PLA1A: variants seen among roughly 807,000 people sequenced by gnomAD.
The protein encoded by PLA1A is phospholipase A1 member A.
Under a neutral mutation model 49.4 loss-of-function variants are expected in PLA1A, and 47 were observed. The observed-to-expected ratio is 0.95, with a 90% CI of 0.75 to 1.21. The LOEUF is 1.21. Among genes scored for constraint, PLA1A ranks in the 50% most tolerant of loss-of-function variants. PLA1A has a pLI of 0.00. For missense variants in PLA1A, 561 were observed against 563.9 expected (o/e 0.99, Z 0.05); for synonymous variants, 224 against 207.9 (o/e 1.08, Z -0.67).
intron 10 of PLA1A, 48 bp from the exon 11 acceptor site, chr3:119,629,336 C>A: frequency 9.5e-7 from 1 of 1,050,450 alleles, no homozygotes; most frequent in Non-Finnish European, 1.5e-6. Flanking sequence ...CAATGCCAAG[C>A]CCTGTCTCCT....
chr3:119,602,467 G>A (rs1358328906), intron 1 of PLA1A, among the ~76,000 whole-genome samples: 1 of 152,048 alleles, frequency 6.6e-6, no homozygotes. Flanking sequence ...ATGGTGTAAG[G>A]AAATCTACTG....
chr3:119,607,523 G>T (rs1488658273), intron 2 of PLA1A, among the ~76,000 whole-genome samples: 1 of 152,194 alleles, frequency 6.6e-6, no homozygotes, highest in Non-Finnish European at 1.5e-5. Context: ...AGGTTTCTGG[G>T]AGGAAAGAGG....
chr3:119,608,234 A>AAGAG (rs1491033019), intron 2 of PLA1A, among the ~76,000 whole-genome samples: 2,935 of 114,168 alleles, frequency 0.026, 37 homozygotes, highest in Non-Finnish European at 0.032. Flanking sequence ...AAGAGAGAGA[A>AAGAG]AGAAAGAGAG....
At chr3:119,606,669 C>A in intron 1 of PLA1A, 105 bp from the exon 2 acceptor site, 1 of 704,234 alleles carries the variant, frequency 1.4e-6, no homozygotes, top group Non-Finnish European at 2.3e-6. Context: ...AAACCCCATG[C>A]CTGCAGGCCC....
intron 8 of PLA1A, among the ~76,000 whole-genome samples, chr3:119,621,005 C>T (rs566623135): frequency 1.3e-5 from 2 of 152,292 alleles, no homozygotes; most frequent in Admixed American, 6.5e-5. Context: ...GTCCGCAGGC[C>T]GTACGTCTCA....
intron 8 of PLA1A, among the ~76,000 whole-genome samples, chr3:119,623,386 A>G (rs1341797226): frequency 6.6e-6 from 1 of 152,000 alleles, no homozygotes; most frequent in Non-Finnish European, 1.5e-5. Context: ...GGCTCAAGTG[A>G]TCTGCCCACC....
intron 1 of PLA1A, chr3:119,600,251 C>A: frequency 1.6e-6 from 1 of 620,332 alleles, no homozygotes; most frequent in Non-Finnish European, 2.9e-6. Context: ...TGTACCCACA[C>A]AATCTTTCAT....
At position 119,605,352 on chromosome 3, in the gene PLA1A, C is replaced by T. The variant is rs1025578620; in HGVS notation, c.74-1422C>T. Among the ~76,000 whole-genome samples the T allele has an allele frequency of 3.3e-5, 5 of 152,304 alleles. No individual in the cohort carries two copies. The East Asian group carries it at 9.6e-4, about 29-fold the overall frequency. On this transcript the variant is annotated intron_variant, in intron 1 of 10. Transcript: ENST00000273371. ...CCTCTAGTCTACCACAGCGATGCTC[C>T]AGAAGGCCTCATGGCTTGAGGTATT...
At chr3:119,619,186 C>T (rs1014979868) in intron 7 of PLA1A, among the ~76,000 whole-genome samples, 1 of 152,210 alleles carries the variant, frequency 6.6e-6, no homozygotes, top group Non-Finnish European at 1.5e-5. Context: ...CACCTGTCAT[C>T]CACTAGTCTT....
intron 8 of PLA1A, chr3:119,620,159 T>C (rs1348696438): frequency 8.8e-6 from 4 of 456,588 alleles, no homozygotes; most frequent in African/African-American, 8.0e-5. Flanking sequence ...ATGTTAAATG[T>C]GAAGTAAAAA....
intron 7 of PLA1A, among the ~76,000 whole-genome samples, chr3:119,618,731 G>T (rs1195773112): frequency 1.3e-5 from 2 of 152,060 alleles, no homozygotes; most frequent in Admixed American, 1.3e-4. Flanking sequence ...CACTTGTGTA[G>T]ATCATTGCTA....
At chr3:119,602,612 G>T (rs1187444524) in intron 1 of PLA1A, among the ~76,000 whole-genome samples, 1 of 152,038 alleles carries the variant, frequency 6.6e-6, no homozygotes, top group African/African-American at 2.4e-5. Flanking sequence ...CTGGCTCTTT[G>T]TGTGTGACAG....
intron 2 of PLA1A, among the ~76,000 whole-genome samples, chr3:119,608,300 A>G (rs942774293): frequency 1.6e-4 from 23 of 146,290 alleles, no homozygotes; most frequent in African/African-American, 3.3e-4. Context: ...AAGAAAGAAA[A>G]AGAAAATGTC....
intron 8 of PLA1A, among the ~76,000 whole-genome samples, chr3:119,621,977 G>A (rs1186455300): frequency 1.3e-5 from 2 of 152,092 alleles, no homozygotes; most frequent in Non-Finnish European, 2.9e-5. Flanking sequence ...CCAGCACTTC[G>A]GGAGGCTGAG....
intron 8 of PLA1A, among the ~76,000 whole-genome samples, chr3:119,622,001 T>A (rs751763986): frequency 6.6e-6 from 1 of 151,948 alleles, no homozygotes. Flanking sequence ...GGAGGGTTGC[T>A]TGAGGAGAGG....
At chr3:119,609,647 A>G in intron 4 of PLA1A, 71 bp downstream of exon 4, 1 of 840,084 alleles carries the variant, frequency 1.2e-6, no homozygotes. Context: ...TATCTCTTCT[A>G]AAGCAAGCAG....
rs764748501 is a variant in PLA1A, at chr3:119,618,192, G to A, written c.922+6G>A. 2 of 1,606,818 alleles carry A rather than the reference G, an allele frequency of 1.2e-6. No homozygotes were observed. The highest frequency in any genetic ancestry group is 1.7e-6 in the Non-Finnish European group (2 of 1,176,018). On this transcript the variant is annotated splice_donor_region_variant and intron_variant, in intron 7 of 10. Transcript: ENST00000273371. ...GCTTTCCTGCCCAAGGATAGGTAAA[G>A]TGCTACCCCTTTGACTTCCTTTGAC...
At chr3:119,598,541 A>G (rs2107771246) in intron 1 of PLA1A, 1 of 152,488 alleles carries the variant, frequency 6.6e-6, no homozygotes, top group East Asian at 1.9e-4. Context: ...TAAAGAACTG[A>G]CCCACTGATC....
chr3:119,608,206 G>GA (rs1318337569), intron 2 of PLA1A, among the ~76,000 whole-genome samples: 1 of 5,556 alleles, frequency 1.8e-4, no homozygotes, highest in African/African-American at 7.2e-4. Context: ...GGAAAGAAAA[G>GA]AAAGAAAGAA....
Sources: gnomAD v4.1 joint callset for allele counts (sites outside exome capture counted in the v4.1 genomes callset) on GRCh38, gnomAD v4.1.1 for gene constraint, MANE v1.5 for transcripts, NCBI Gene and HGNC (gene_info 2026-07-23, HGNC 2026-07-21) for gene names.